Variants in EFR3B observed in about 807,000 individuals in gnomAD.
The protein encoded by EFR3B is protein EFR3 homolog B.
Under a neutral mutation model 104.7 loss-of-function variants are expected in EFR3B, and 64 were observed. That is an observed-to-expected ratio of 0.61 (90% CI 0.50 to 0.75). The LOEUF (loss-of-function observed/expected upper bound fraction) is 0.75. Among genes scored for constraint, EFR3B ranks in the 30% least tolerant of loss-of-function variants. EFR3B has a pLI of 0.00. For synonymous variants in EFR3B, 385 were observed against 417.9 expected, an observed-to-expected ratio of 0.92 and a Z score of 0.96; for missense variants, 750 against 1,078.5, an observed-to-expected ratio of 0.70 and a Z score of 4.27.
At chr2:25,104,876 C>T (rs1285712252) in intron 4 of EFR3B, among the ~76,000 whole-genome samples, 1 of 152,234 alleles carries the variant, frequency 6.6e-6, no homozygotes, top group East Asian at 1.9e-4. Context: ...TGGCTGCGGT[C>T]GTGGGAGAGT....
chr2:25,055,583 A>G (rs1482754339), intron 1 of EFR3B, among the ~76,000 whole-genome samples: 7 of 152,206 alleles, frequency 4.6e-5, no homozygotes, highest in Non-Finnish European at 8.8e-5. Context: ...TGTCGTAGCT[A>G]TTCATAAAGA....
intron 1 of EFR3B, among the ~76,000 whole-genome samples, chr2:25,060,328 C>T (rs1438365502): frequency 2.6e-5 from 4 of 152,198 alleles, no homozygotes; most frequent in East Asian, 1.9e-4. Flanking sequence ...CAGACCACAT[C>T]GATGGCTTTG....
At chr2:25,120,994 C>T (rs1038592756) in intron 4 of EFR3B, among the ~76,000 whole-genome samples, 3 of 151,332 alleles carry the variant, frequency 2.0e-5, no homozygotes, top group Non-Finnish European at 3.0e-5. Flanking sequence ...CTCCACCTCC[C>T]GGGTTCAAGC....
chr2:25,113,902 C>A (rs2149196999), intron 4 of EFR3B, among the ~76,000 whole-genome samples: 1 of 152,174 alleles, frequency 6.6e-6, no homozygotes, highest in Non-Finnish European at 1.5e-5. Flanking sequence ...GAAACTGAGG[C>A]ACAAGGAGCT....
At chr2:25,045,799 T>C (rs1667699289) in intron 1 of EFR3B, among the ~76,000 whole-genome samples, 2 of 151,434 alleles carry the variant, frequency 1.3e-5, no homozygotes, top group Admixed American at 1.3e-4. Context: ...AAAAAAAAAT[T>C]ATATAGCTAA....
intron 19 of EFR3B, among the ~76,000 whole-genome samples, chr2:25,148,497 C>T (rs574949069): frequency 9.5e-4 from 144 of 151,370 alleles, no homozygotes; most frequent in African/African-American, 3.4e-3. Flanking sequence ...TCAAGTGATC[C>T]GCCCGCCTCA....
chr2:25,148,599 G>A (rs1670904499), intron 19 of EFR3B, among the ~76,000 whole-genome samples: 1 of 151,756 alleles, frequency 6.6e-6, no homozygotes, highest in Non-Finnish European at 1.5e-5. Flanking sequence ...AAATGCTCAA[G>A]TCGCATTGGT....
At chr2:25,102,253 C>G (rs2149190549) in intron 3 of EFR3B, among the ~76,000 whole-genome samples, 1 of 152,256 alleles carries the variant, frequency 6.6e-6, no homozygotes, top group South Asian at 2.1e-4. Context: ...TAGGAGATGG[C>G]ATGGCCCTCT....
At chr2:25,049,843 G>T (rs954838399) in intron 1 of EFR3B, among the ~76,000 whole-genome samples, 1 of 151,828 alleles carries the variant, frequency 6.6e-6, no homozygotes, top group South Asian at 2.1e-4. Flanking sequence ...GGCTGGTCGC[G>T]GTGGCTCAAG....
chr2:25,152,394 C>G (rs1294334788), intron 21 of EFR3B, among the ~76,000 whole-genome samples: 1 of 152,222 alleles, frequency 6.6e-6, no homozygotes. Context: ...CTGCGGATGA[C>G]AGCTTCTTCT....
At chr2:25,089,236 C>A (rs1438631534) in intron 1 of EFR3B, among the ~76,000 whole-genome samples, 1 of 152,198 alleles carries the variant, frequency 6.6e-6, no homozygotes, top group East Asian at 1.9e-4. Context: ...AGTAGCTGCA[C>A]TGACAACCCC....
intron 18 of EFR3B, among the ~76,000 whole-genome samples, chr2:25,144,421 G>A (rs1336304224): frequency 2.1e-5 from 3 of 142,548 alleles, no homozygotes; most frequent in African/African-American, 4.9e-5. Flanking sequence ...GTGGGTGCCT[G>A]TAGTCCCAGC....
chr2:25,135,913 G>A (rs971854088), intron 13 of EFR3B, among the ~76,000 whole-genome samples: 2 of 152,130 alleles, frequency 1.3e-5, no homozygotes, highest in African/African-American at 4.8e-5. Context: ...ATAGAGAGTA[G>A]GCATTAAAGG....
intron 4 of EFR3B, among the ~76,000 whole-genome samples, chr2:25,113,618 A>T (rs2149196798): frequency 6.6e-6 from 1 of 151,608 alleles, no homozygotes; most frequent in Non-Finnish European, 1.5e-5. Context: ...CAGCGAGCCG[A>T]GATCGTGCCA....
At position 25,141,376 on chromosome 2, in the gene EFR3B, C is replaced by T. The variant is rs1230353438; in HGVS notation, c.1865C>T (p.Thr622Ile). 2 of 1,551,440 alleles carry T rather than the reference C, an allele frequency of 1.3e-6. No homozygotes were observed. Among genetic ancestry groups the T allele is most frequent in the East Asian group, 4.9e-5 (2 of 40,902 alleles). Residue 622 changes from threonine (T) to isoleucine (I), a missense_variant, in exon 17 of 23, where the codon ACC becomes ATC. Thr to Ile is a moderately conservative substitution (Grantham distance 89). Coordinates refer to ENST00000403714, the MANE Select transcript of EFR3B (RefSeq NM_014971.2). ...CCTCCCAACCGCCAGGTGATAGAGA[C>T]CAGGAAGAAAGAGGCTCCATACATG... ...FCQHIHEVIE[T>I]RKKEAPYMLP... is the part of the protein sequence containing the mutation.
At chr2:25,092,646 T>G (rs2149185551) in intron 2 of EFR3B, among the ~76,000 whole-genome samples, 1 of 151,266 alleles carries the variant, frequency 6.6e-6, no homozygotes, top group Admixed American at 6.6e-5. Context: ...CTCCCCGGGT[T>G]CAAGCAATTC....
rs1483382161 is a variant in EFR3B at position 25,155,693 on chromosome 2, G to A, written c.*1353G>A. The A allele has an allele frequency of 6.6e-6, 1 of 152,098 alleles. No individual in the cohort carries two copies. Among genetic ancestry groups the A allele is most frequent in the Admixed American group, 6.5e-5 (1 of 15,278 alleles). 9.4% of individuals were successfully genotyped at this position (152,098 alleles called of 1,614,324 possible). ...GCTCCTCCCATGGCAGTGCCATGTG[G>A]TCCAAAATTGCCCTTTCCTTCTCCG... On this transcript the variant is annotated 3_prime_UTR_variant, in exon 23 of 23. Coordinates refer to ENST00000403714, the MANE Select transcript of EFR3B (RefSeq NM_014971.2).
chr2:25,148,211 G>A (rs1276796494), intron 19 of EFR3B, among the ~76,000 whole-genome samples: 1 of 151,158 alleles, frequency 6.6e-6, no homozygotes, highest in Non-Finnish European at 1.5e-5. Context: ...ACTGAGTGGG[G>A]TAACTCCTTG....
In EFR3B at chr2:25,131,637, C is replaced by G; in HGVS notation, c.986-113C>G. The G allele has an allele frequency of 1.3e-6, 2 of 1,491,104 alleles. No homozygotes were observed. The highest frequency in any genetic ancestry group is 1.8e-6 in the Non-Finnish European group (2 of 1,113,752). The allele number at this position is 1,491,104 out of a possible 1,614,324, so 92.4% of individuals were successfully genotyped here. On this transcript the variant is annotated intron_variant, in intron 9 of 22. Coordinates refer to ENST00000403714, the MANE Select transcript of EFR3B (RefSeq NM_014971.2). The surrounding 1 kb of genome is among the most constrained non-coding windows in gnomAD (Gnocchi z 7.6). Reference sequence around the variant, plus strand: ...GAGAAGTCCGCCAGGAAGTTGGGAGCGCAGAGGAAGCCCAGGCTGGAAGGG... The same window carrying G: ...GAGAAGTCCGCCAGGAAGTTGGGAGGGCAGAGGAAGCCCAGGCTGGAAGGG...
Sources: allele counts gnomAD v4.1 joint callset (sites outside exome capture counted in the v4.1 genomes callset), GRCh38; gene constraint gnomAD v4.1.1; non-coding constraint Gnocchi (gnomAD v3.1); transcripts MANE v1.5; gene names NCBI Gene and HGNC (gene_info 2026-07-23, HGNC 2026-07-21).